Variants in ALOX5 observed in about 807,000 individuals in gnomAD.
The protein encoded by ALOX5 is arachidonate 5-lipoxygenase, also known as polyunsaturated fatty acid 5-lipoxygenase.
Under a neutral mutation model 87.9 loss-of-function variants are expected in ALOX5, and 64 were observed. The ratio of observed to expected loss-of-function variants is 0.73; its 90% CI spans 0.60 to 0.90. The LOEUF (loss-of-function observed/expected upper bound fraction) is 0.90. Ranked by LOEUF, ALOX5 falls within the 40% of genes least tolerant of loss-of-function variation. ALOX5 has a pLI of 0.00. For missense variants in ALOX5, 822 were observed against 907.5 expected (o/e 0.91, Z 1.21); for synonymous variants, 388 against 355.1 (o/e 1.09, Z -1.04).
intron 2 of ALOX5, among the ~76,000 whole-genome samples, chr10:45,383,929 T>G (rs974721819): frequency 1.3e-5 from 2 of 152,144 alleles, no homozygotes; most frequent in East Asian, 3.9e-4. Context: ...GCTCTGAAAC[T>G]CCCTCCTGCA....
chr10:45,412,245 G>A lies in ALOX5; in HGVS notation c.486G>A (p.Lys162=). The A allele has an allele frequency of 6.2e-7, 1 of 1,614,164 alleles. No individual in the cohort carries two copies. Among genetic ancestry groups the A allele is most frequent in the Non-Finnish European group, 8.5e-7 (1 of 1,180,010 alleles). The change falls in exon 4 of 14, where the codon AAG becomes AAA. Residue 162 remains lysine (K), a synonymous_variant. Coordinates refer to ENST00000374391, the MANE Select transcript of ALOX5 (RefSeq NM_000698.5). ...TGAGCATCGATGCCAAATGCCACAA[G>A]GATTTACCCCGTGATATCCAGTTTG... ...FPLSIDAKCH[K]DLPRDIQFDS... is the part of the protein sequence containing the mutation.
At position 45,374,297 on chromosome 10, in the gene ALOX5, C is replaced by T; in HGVS notation, c.18C>T (p.Val6=). The T allele has an allele frequency of 1.3e-6, 2 of 1,514,864 alleles. No individual in the cohort carries two copies. Among genetic ancestry groups the T allele is most frequent in the South Asian group, 1.2e-5 (1 of 81,120 alleles). 93.8% of individuals were successfully genotyped at this position (1,514,864 alleles called of 1,614,324 possible). A position where few individuals can be genotyped will look rare whatever the true frequency, so the allele number is the denominator to read the frequency against. The part of the protein sequence containing the change: MPSYT[V]TVATGSQWFA... ...CCCGCGCCATGCCCTCCTACACGGTCACCGTGGCCACTGGCAGCCAGTGGT... is the reference window on the plus strand; with the variant it reads ...CCCGCGCCATGCCCTCCTACACGGTTACCGTGGCCACTGGCAGCCAGTGGT... Residue 6 remains valine, a synonymous_variant, in exon 1 of 14, where the codon GTC becomes GTT. Coordinates refer to ENST00000374391, the MANE Select transcript of ALOX5 (RefSeq NM_000698.5).
At chr10:45,418,992 T>C (rs1212072933) in intron 4 of ALOX5, among the ~76,000 whole-genome samples, 1 of 151,962 alleles carries the variant, frequency 6.6e-6, no homozygotes, top group African/African-American at 2.4e-5. Flanking sequence ...TTTCCTCCCA[T>C]GAGAATGGGC....
rs377286166 is a variant in ALOX5, at chr10:45,374,267, C to A, written c.-13C>A. The stretch of plus-strand genomic sequence containing the variant: ...CGAGGCTCCCGGCGCTCGCTGCTCC[C>A]GCGGCCCGCGCCATGCCCTCCTACA... On this transcript the variant is annotated 5_prime_UTR_variant, in exon 1 of 14. Transcript: ENST00000374391. 9.8e-4 allele frequency: 1,436 copies of A among 1,467,666 alleles called. 25 individuals carry two copies. The South Asian group carries it at 0.018, about 18-fold the overall frequency. The allele number at this position is 1,467,666 out of a possible 1,614,324, so 90.9% of individuals were successfully genotyped here.
intron 3 of ALOX5, among the ~76,000 whole-genome samples, chr10:45,398,609 T>G (rs1241919098): frequency 6.6e-6 from 1 of 152,196 alleles, no homozygotes; most frequent in East Asian, 1.9e-4. Context: ...GTATATCTGA[T>G]AAGGGCCTTC....
intron 9 of ALOX5, 26 bp from the exon 10 acceptor site, chr10:45,443,012 T>C (rs1368724664): frequency 2.5e-6 from 4 of 1,600,832 alleles, no homozygotes; most frequent in Non-Finnish European, 2.6e-6. Flanking sequence ...AGCCACCCGC[T>C]CAGGGCACTC....
intron 7 of ALOX5, 139 bp from the exon 8 acceptor site, chr10:45,440,291 C>T (rs1056953890): frequency 2.3e-6 from 2 of 864,224 alleles, no homozygotes; most frequent in Non-Finnish European, 3.6e-6. Flanking sequence ...GCCCTTTACC[C>T]CCTCCAGGCT....
intron 2 of ALOX5, among the ~76,000 whole-genome samples, chr10:45,393,364 C>T (rs1282637932): frequency 6.6e-6 from 1 of 152,204 alleles, no homozygotes; most frequent in African/African-American, 2.4e-5. Context: ...ACATGATTAT[C>T]TCAATAGATG....
chr10:45,382,338 T>A (rs1255564206), intron 1 of ALOX5, 145 bp from the exon 2 acceptor site: 1 of 771,582 alleles, frequency 1.3e-6, no homozygotes, highest in African/African-American at 1.7e-5. Context: ...TCAGAGTATC[T>A]TGCACCTGCT....
intron 3 of ALOX5, among the ~76,000 whole-genome samples, chr10:45,400,530 C>T (rs936456088): frequency 1.3e-4 from 19 of 151,962 alleles, no homozygotes; most frequent in African/African-American, 3.6e-4. Flanking sequence ...ACCCGGGAGG[C>T]GGAGGTTGCA....
intron 13 of ALOX5, chr10:45,444,611 C>T: frequency 2.9e-6 from 1 of 347,066 alleles, no homozygotes; most frequent in Non-Finnish European, 5.2e-6. Context: ...AGGGAATGAC[C>T]AAGAGTTTCC....
At position 45,382,659 on chromosome 10, in the gene ALOX5, G is replaced by A. The variant is rs553979205; in HGVS notation, c.327G>A (p.Glu109=). Residue 109 remains glutamate, a synonymous_variant, in exon 2 of 14, where the codon GAG becomes GAA. Transcript: ENST00000374391. The stretch of plus-strand genomic sequence containing the variant: ...ACCGCTGGATCACCGGCGATGTCGA[G>A]GTTGTCCTGAGGGATGGACGCGGTG... ...PCYRWITGDV[E]VVLRDGRAKL... is the part of the protein sequence containing the mutation. 6.2e-7 allele frequency: 1 copy of A among 1,613,606 alleles called. No individual in the cohort carries two copies. Among genetic ancestry groups the A allele is most frequent in the South Asian group, 1.1e-5 (1 of 90,994 alleles).
intron 4 of ALOX5, among the ~76,000 whole-genome samples, chr10:45,417,624 G>A (rs1841343237): frequency 6.6e-6 from 1 of 152,148 alleles, no homozygotes; most frequent in South Asian, 2.1e-4. Flanking sequence ...ATTTGTTGGA[G>A]GCTCGCTCTA....
chr10:45,405,599 GT>G (rs1424762087), intron 3 of ALOX5, among the ~76,000 whole-genome samples: 2 of 151,998 alleles, frequency 1.3e-5, no homozygotes, highest in African/African-American at 2.4e-5. Context: ...ACTATGTATT[GT>G]TTACATCTAT....
chr10:45,427,538 C>T (rs934418397), intron 6 of ALOX5, among the ~76,000 whole-genome samples: 2 of 152,234 alleles, frequency 1.3e-5, no homozygotes, highest in Admixed American at 6.5e-5. Flanking sequence ...TCCTGCGTGC[C>T]GCCGGGCAGC....
chr10:45,391,019 A>ATCTCCCC (rs1564416310), intron 2 of ALOX5, among the ~76,000 whole-genome samples: 3 of 12,348 alleles, frequency 2.4e-4, no homozygotes, highest in South Asian at 2.3e-3. Flanking sequence ...CTCCTCTCCC[A>ATCTCCCC]TCTCCCCTCT....
intron 7 of ALOX5, among the ~76,000 whole-genome samples, chr10:45,433,663 C>T (rs1167682335): frequency 6.6e-6 from 1 of 152,132 alleles, no homozygotes; most frequent in Non-Finnish European, 1.5e-5. Flanking sequence ...GGCGGGATAT[C>T]TTGAAGTGGG....
intron 3 of ALOX5, among the ~76,000 whole-genome samples, chr10:45,396,352 G>GA (rs11429698): frequency 0.7 from 105,675 of 151,874 alleles, 37,378 homozygotes; most frequent in East Asian, 0.86. Flanking sequence ...AGCAATAAGA[G>GA]AAAATCAATA....
intron 3 of ALOX5, 70 bp downstream of exon 3, chr10:45,396,006 A>G (rs1840488622): frequency 6.6e-7 from 1 of 1,508,910 alleles, no homozygotes; most frequent in Non-Finnish European, 9.2e-7. Flanking sequence ...ATGGTATGAA[A>G]TAAACCCTTT....
Sources: gnomAD v4.1 joint callset for allele counts (sites outside exome capture counted in the v4.1 genomes callset) on GRCh38, gnomAD v4.1.1 for gene constraint, MANE v1.5 for transcripts, NCBI Gene and HGNC (gene_info 2026-07-23, HGNC 2026-07-21) for gene names.